LCT: variants seen among roughly 807,000 people sequenced by gnomAD.
LCT encodes lactase, also known as lactase/phlorizin hydrolase.
Under a neutral mutation model 173.0 loss-of-function variants are expected in LCT, and 90 were observed. The ratio of observed to expected loss-of-function variants is 0.52; its 90% CI spans 0.44 to 0.62. The LOEUF (loss-of-function observed/expected upper bound fraction) is 0.62. Among genes scored for constraint, LCT ranks in the 20% least tolerant of loss-of-function variants. The pLI is 0.00. For missense variants in LCT, 1,864 were observed against 2,431.4 expected, an observed-to-expected ratio of 0.77 and a Z score of 4.91; for synonymous variants, 853 against 957.6, an observed-to-expected ratio of 0.89 and a Z score of 2.02.
chr2:135,794,665 G>A lies in LCT; in HGVS notation c.5087C>T (p.Ala1696Val). The A allele has an allele frequency of 6.2e-7, 1 of 1,614,168 alleles. No individual in the cohort carries two copies. Among genetic ancestry groups the A allele is most frequent in the Non-Finnish European group, 8.5e-7 (1 of 1,180,008 alleles). The change falls in exon 14 of 17, where the codon GCC becomes GTC. Residue 1696 changes from alanine to valine, a missense_variant. Physicochemically the swap from Ala to Val is moderately conservative, Grantham distance 64. Transcript: ENST00000264162. ...CCTGTCTGCATCAAAAGAAGAGATG[G>A]CAGTGGCATAGTTGAGGTTGTAGGC... ...VLAYNLNYATAISSFDADRGV... is the reference protein window; with the variant it reads ...VLAYNLNYATVISSFDADRGV...
chr2:135,796,761 A>AC (rs2077585349), intron 13 of LCT, among the ~76,000 whole-genome samples: 1 of 151,426 alleles, frequency 6.6e-6, no homozygotes. Context: ...CCTTCCATGG[A>AC]CCCCTCCCCC....
chr2:135,829,864 G>A (rs1185562479), intron 2 of LCT, among the ~76,000 whole-genome samples, 188 bp from the exon 3 acceptor site: 3 of 113,884 alleles, frequency 2.6e-5, no homozygotes, highest in East Asian at 5.3e-4. Flanking sequence ...TGTAGGGGGC[G>A]GGGGGTGCCT....
Position 135,837,070 on chromosome 2 carries a change from G to A in LCT, c.100C>T (p.Pro34Ser). The change falls in exon 1 of 17, where the codon CCT (proline) becomes TCT (serine). Residue 34 changes from proline (P) to serine (S), a missense_variant. By Grantham distance (74) the Pro-to-Ser change is moderately conservative. Around this residue, in one of 4 missense-constraint regions of LCT, gnomAD observed 412 missense variants for 462.0 expected, o/e 0.89. Coordinates refer to ENST00000264162, the MANE Select transcript of LCT (RefSeq NM_002299.4). ...SDRNFISTAG[P>S]LTNDLLHNLS... ...TTGTGCAGCAAGTCATTGGTTAGAG[G>A]ACCAGCGGTGGAAATGAAATTTCTA... The A allele has an allele frequency of 6.2e-7, 1 of 1,614,038 alleles. No homozygotes were observed. The highest frequency in any genetic ancestry group is 2.2e-5 in the East Asian group (1 of 44,868).
intron 1 of LCT, among the ~76,000 whole-genome samples, chr2:135,836,055 G>A (rs1351064593): frequency 1.4e-5 from 2 of 140,180 alleles, no homozygotes; most frequent in Non-Finnish European, 3.0e-5. Context: ...GTCTTGCTCT[G>A]TCGCACAGGC....
intron 12 of LCT, 92 bp downstream of exon 12, chr2:135,800,515 A>G: frequency 1.8e-6 from 2 of 1,110,100 alleles, no homozygotes; most frequent in Non-Finnish European, 2.8e-6. Context: ...ATGAGCCACC[A>G]CACCCTAAAT....
intron 3 of LCT, 68 bp downstream of exon 3, chr2:135,829,525 A>T: frequency 8.6e-7 from 1 of 1,168,464 alleles, no homozygotes; most frequent in Non-Finnish European, 1.3e-6. Flanking sequence ...CCAAAGCATT[A>T]AATGTCTAAT....
intron 1 of LCT, among the ~76,000 whole-genome samples, chr2:135,835,976 G>GTGTATATATATATA (rs1553436126): frequency 1.2e-5 from 1 of 80,480 alleles, no homozygotes; most frequent in Non-Finnish European, 2.1e-5. Context: ...ATACATGTGT[G>GTGTATATATATATA]TATATATATA....
At chr2:135,826,481 G>A (rs552488712) in intron 3 of LCT, among the ~76,000 whole-genome samples, 111 of 151,816 alleles carry the variant, frequency 7.3e-4, no homozygotes, top group Admixed American at 1.2e-3. Context: ...CAGGAGAATC[G>A]CTTGAACCCC....
chr2:135,800,261 G>A (rs182026426), intron 12 of LCT, among the ~76,000 whole-genome samples: 2 of 152,184 alleles, frequency 1.3e-5, no homozygotes, highest in East Asian at 1.9e-4. Flanking sequence ...GTTGGGGGTG[G>A]TCTCCCTCTG....
At chr2:135,825,687 C>T (rs2105551047) in intron 3 of LCT, among the ~76,000 whole-genome samples, 1 of 152,274 alleles carries the variant, frequency 6.6e-6, no homozygotes, top group East Asian at 1.9e-4. Context: ...GTTCTCAGGC[C>T]CTCAGACAGC....
At chr2:135,797,889 G>A (rs947079244) in intron 13 of LCT, 140 bp downstream of exon 13, 10 of 694,424 alleles carry the variant, frequency 1.4e-5, no homozygotes, top group Non-Finnish European at 2.6e-5. Context: ...AGCAGTGCCA[G>A]GTGCTGGGCT....
Position 135,788,183 on chromosome 2 carries a change from T to A in LCT, c.*141A>T. 2.8e-6 allele frequency: 2 copies of A among 718,260 alleles called. No individual in the cohort carries two copies. Among genetic ancestry groups the A allele is most frequent in the Admixed American group, 4.1e-5 (2 of 49,062 alleles). 44.5% of individuals were successfully genotyped at this position (718,260 alleles called of 1,614,324 possible). A position where few individuals can be genotyped will look rare whatever the true frequency, so the allele number is the denominator to read the frequency against. On this transcript the variant is annotated 3_prime_UTR_variant, in exon 17 of 17. Coordinates refer to ENST00000264162, the MANE Select transcript of LCT (RefSeq NM_002299.4). ...CTCAGCAAGTCGAAATCATTCAAGATTAAAGTCATCTCTAACGGTGCAGCA... is the reference window on the plus strand; with the variant it reads ...CTCAGCAAGTCGAAATCATTCAAGAATAAAGTCATCTCTAACGGTGCAGCA...
At chr2:135,791,828 T>C (rs1447473043) in intron 14 of LCT, among the ~76,000 whole-genome samples, 1 of 152,050 alleles carries the variant, frequency 6.6e-6, no homozygotes, top group Admixed American at 6.6e-5. Flanking sequence ...GCTACTGGTG[T>C]GGAAAGATGC....
At position 135,790,907 on chromosome 2, in the gene LCT, G is replaced by A; in HGVS notation, c.5112-26C>T. Reference sequence around the variant, plus strand: ...CTACAAGTTCAAAAACTAAAGATGAGGTCTTGTTTTGTAAATCTCAAGAGG... The same window carrying A: ...CTACAAGTTCAAAAACTAAAGATGAAGTCTTGTTTTGTAAATCTCAAGAGG... On this transcript the variant is annotated intron_variant, in intron 14 of 16. Transcript: ENST00000264162. This position sits in a 1 kb window ranked among gnomAD's most constrained non-coding sequence, Gnocchi z 4.1. The A allele has an allele frequency of 6.4e-7, 1 of 1,559,696 alleles. No individual in the cohort carries two copies. The highest frequency in any genetic ancestry group is 8.8e-7 in the Non-Finnish European group (1 of 1,130,434).
intron 6 of LCT, 49 bp downstream of exon 6, chr2:135,817,292 C>G: frequency 6.3e-7 from 1 of 1,589,682 alleles, no homozygotes; most frequent in Non-Finnish European, 8.6e-7. Flanking sequence ...TTCTTCCAGC[C>G]AATGTCCTTT....
At chr2:135,835,187 T>C (rs1319679695) in intron 1 of LCT, among the ~76,000 whole-genome samples, 3 of 152,170 alleles carry the variant, frequency 2.0e-5, no homozygotes, top group African/African-American at 7.2e-5. Context: ...TTAAACTTTA[T>C]GCTCCATTTA....
intron 14 of LCT, among the ~76,000 whole-genome samples, chr2:135,792,767 A>C (rs112338201): frequency 6.6e-6 from 1 of 152,164 alleles, no homozygotes; most frequent in Non-Finnish European, 1.5e-5. Flanking sequence ...GAGCTCAGAT[A>C]TGCCTAATGC....
chr2:135,836,829 C>T lies in LCT; in HGVS notation c.341G>A (p.Arg114Gln), dbSNP rs377420107. The T allele has an allele frequency of 1.3e-5, 21 of 1,614,050 alleles. No homozygotes were observed. The highest frequency in any genetic ancestry group is 1.5e-5 in the Non-Finnish European group (18 of 1,180,040). Reference protein sequence around the residue: ...NPDEKTVQCYRRLLKALKTAR... With the variant: ...NPDEKTVQCYQRLLKALKTAR... ...AGTCTTGAGGGCCTTGAGGAGTCGC[C>T]GGTAGCACTGCACTGTTTTCTCGTC... Residue 114 changes from arginine to glutamine, a missense_variant, in exon 1 of 17, where the codon CGG (arginine) becomes CAG (glutamine). Arg to Gln is a conservative substitution (Grantham distance 43, BLOSUM62 1). This residue lies in a region of LCT where 412 missense variants were observed against 462.0 expected (regional missense o/e 0.89). Coordinates refer to ENST00000264162, the MANE Select transcript of LCT (RefSeq NM_002299.4).
At chr2:135,818,479 C>A (rs2077799334) in intron 5 of LCT, among the ~76,000 whole-genome samples, 1 of 152,146 alleles carries the variant, frequency 6.6e-6, no homozygotes, top group African/African-American at 2.4e-5. Context: ...TTTAATTTTC[C>A]CAACAAATTT....
Sources: allele counts gnomAD v4.1 joint callset (sites outside exome capture counted in the v4.1 genomes callset), GRCh38; gene constraint gnomAD v4.1.1; regional missense constraint gnomAD v4.1.1; non-coding constraint Gnocchi (gnomAD v3.1); transcripts MANE v1.5; gene names NCBI Gene and HGNC (gene_info 2026-07-23, HGNC 2026-07-21).